ANGPT1: variants seen among roughly 807,000 people sequenced by gnomAD.
The protein encoded by ANGPT1 is angiopoietin 1.
ANGPT1 carries 17 observed loss-of-function variants against 62.2 expected under a neutral mutation model. The observed-to-expected ratio is 0.27, with a 90% confidence interval of 0.19 to 0.41. The LOEUF (loss-of-function observed/expected upper bound fraction) is 0.41, where lower values mean the gene tolerates loss of function less well. ANGPT1 is among the 10% of genes least tolerant of loss of function. The pLI is 1.00. For missense variants in ANGPT1, 478 were observed against 594.9 expected, an observed-to-expected ratio of 0.80 and a Z score of 2.04; for synonymous variants, 199 against 198.9, an observed-to-expected ratio of 1.00 and a Z score of 0.00.
chr8:107,420,154 G>C (rs1160904876), intron 1 of ANGPT1, among the ~76,000 whole-genome samples: 2 of 151,958 alleles, frequency 1.3e-5, no homozygotes, highest in African/African-American at 4.8e-5. Context: ...TAATTAATAA[G>C]CAATTACTTT....
chr8:107,398,500 ATTTTTT>A (rs10556477), intron 1 of ANGPT1, among the ~76,000 whole-genome samples: 30,413 of 132,822 alleles, frequency 0.23, 3,647 homozygotes, highest in African/African-American at 0.38. Context: ...TTTCTTTTCT[ATTTTTT>A]TTTTTTTTTT....
intron 6 of ANGPT1, among the ~76,000 whole-genome samples, chr8:107,290,438 G>A (rs1814246074): frequency 6.6e-6 from 1 of 152,168 alleles, no homozygotes; most frequent in East Asian, 1.9e-4. Flanking sequence ...AGCTGAAGAA[G>A]TGAGCAGGCA....
intron 1 of ANGPT1, among the ~76,000 whole-genome samples, chr8:107,387,069 T>C (rs928319844): frequency 7.2e-5 from 11 of 152,042 alleles, no homozygotes; most frequent in Non-Finnish European, 1.2e-4. Context: ...AGGTAAACTA[T>C]AAAAACCCAT....
At chr8:107,454,173 G>C (rs1319836666) in intron 1 of ANGPT1, among the ~76,000 whole-genome samples, 10 of 152,036 alleles carry the variant, frequency 6.6e-5, no homozygotes, top group African/African-American at 2.4e-4. Context: ...GTTCAGAAAA[G>C]AACTAAGCAT....
rs187279902 is a variant in ANGPT1 at position 107,413,979 on chromosome 8, T to A, written c.298-66882A>T. 1.2e-3 allele frequency among the ~76,000 whole-genome samples: 186 copies of A among 152,042 alleles called. 1 individual carries two copies. The highest frequency in any genetic ancestry group is 2.0e-3 in the Non-Finnish European group (138 of 67,960). Reference sequence around the variant, plus strand: ...AAGGAAACATAGGAAGAAAAGTGGGTTTGGTGGTGGTGAAATAAATTCAGG... The same window carrying A: ...AAGGAAACATAGGAAGAAAAGTGGGATTGGTGGTGGTGAAATAAATTCAGG... On this transcript the variant is annotated intron_variant, in intron 1 of 8. Transcript: ENST00000517746.
chr8:107,267,049 A>G (rs1341066667), intron 7 of ANGPT1, among the ~76,000 whole-genome samples: 1 of 151,898 alleles, frequency 6.6e-6, no homozygotes, highest in Non-Finnish European at 1.5e-5. Context: ...ATAAAATATT[A>G]TTTATTTTTA....
intron 1 of ANGPT1, among the ~76,000 whole-genome samples, chr8:107,369,589 A>T (rs951961924): frequency 2.0e-5 from 3 of 152,064 alleles, no homozygotes; most frequent in African/African-American, 4.8e-5. Context: ...AATTATTTCT[A>T]GATTTTGCTT....
At chr8:107,486,361 T>G (rs117818924) in intron 1 of ANGPT1, among the ~76,000 whole-genome samples, 2,744 of 152,192 alleles carry the variant, frequency 0.018, 35 homozygotes, top group Non-Finnish European at 0.027. Context: ...TTACTTCCAC[T>G]CTCTGTACCT....
At chr8:107,362,208 C>T (rs1036726698) in intron 1 of ANGPT1, among the ~76,000 whole-genome samples, 1 of 152,172 alleles carries the variant, frequency 6.6e-6, no homozygotes, top group Admixed American at 6.6e-5. Context: ...TGCTAACAGG[C>T]AACGTGCCAT....
At position 107,267,430 on chromosome 8, in the gene ANGPT1, C is replaced by T. The variant is rs555288218; in HGVS notation, c.1206-3079G>A. 1.3e-3 allele frequency among the ~76,000 whole-genome samples: 198 copies of T among 152,178 alleles called. 1 individual carries two copies. Among genetic ancestry groups the T allele is most frequent in the South Asian group, 0.013 (61 of 4,818 alleles). On this transcript the variant is annotated intron_variant, in intron 7 of 8. Transcript: ENST00000517746. ...TAGGATTACAATATAATCCACATTT[C>T]TTTCCTGACCTTTCCCCGTATGAAT...
At position 107,251,192 on chromosome 8, in the gene ANGPT1, C is replaced by T. The variant is rs1294078881; in HGVS notation, c.*663G>A. The T allele has an allele frequency of 6.6e-6, 1 of 151,928 alleles. No homozygotes were observed. Among genetic ancestry groups the T allele is most frequent in the Non-Finnish European group, 1.5e-5 (1 of 67,968 alleles). The allele number at this position is 151,928 out of a possible 1,614,324, so 9.4% of individuals were successfully genotyped here. A position where few individuals can be genotyped will look rare whatever the true frequency, so the allele number is the denominator to read the frequency against. On this transcript the variant is annotated 3_prime_UTR_variant, in exon 9 of 9. Coordinates refer to ENST00000517746, the MANE Select transcript of ANGPT1 (RefSeq NM_001146.5). The stretch of plus-strand genomic sequence containing the variant: ...TCAGAGTAATGGAGTTTGTTTCTAC[C>T]ACACACTTATTGTCCATGTACTACA...
intron 3 of ANGPT1, among the ~76,000 whole-genome samples, chr8:107,334,749 G>T (rs1283669763): frequency 6.6e-6 from 1 of 152,172 alleles, no homozygotes; most frequent in Non-Finnish European, 1.5e-5. Context: ...TTAAGGGGTG[G>T]TTGAAGCATA....
intron 4 of ANGPT1, among the ~76,000 whole-genome samples, chr8:107,314,381 G>A (rs1014563966): frequency 4.6e-5 from 7 of 152,086 alleles, no homozygotes; most frequent in African/African-American, 1.4e-4. Context: ...AATCTCCTCC[G>A]AAAGATGGGG....
At chr8:107,459,430 A>G (rs935331955) in intron 1 of ANGPT1, among the ~76,000 whole-genome samples, 12 of 152,002 alleles carry the variant, frequency 7.9e-5, no homozygotes, top group African/African-American at 2.4e-4. Context: ...CGGAGGTTGC[A>G]GTGAGCCAAG....
At chr8:107,325,340 C>T (rs984074761) in intron 3 of ANGPT1, among the ~76,000 whole-genome samples, 1 of 152,130 alleles carries the variant, frequency 6.6e-6, no homozygotes. Flanking sequence ...TGATCAGAGG[C>T]AAGATGCCCA....
intron 1 of ANGPT1, among the ~76,000 whole-genome samples, chr8:107,370,911 T>C (rs1402152798): frequency 6.6e-6 from 1 of 151,390 alleles, no homozygotes; most frequent in Admixed American, 6.6e-5. Flanking sequence ...CATATGGCAT[T>C]GAAAAAATGG....
chr8:107,482,102 G>C (rs1450573962), intron 1 of ANGPT1, among the ~76,000 whole-genome samples: 1 of 152,182 alleles, frequency 6.6e-6, no homozygotes. Flanking sequence ...AGTTGAACCT[G>C]ATGTAGCTTA....
intron 4 of ANGPT1, among the ~76,000 whole-genome samples, chr8:107,321,292 G>T (rs1815143446): frequency 1.3e-5 from 2 of 152,196 alleles, no homozygotes; most frequent in Non-Finnish European, 2.9e-5. Context: ...CTGTCACAAA[G>T]ATACCCCAGA....
intron 1 of ANGPT1, among the ~76,000 whole-genome samples, chr8:107,410,009 C>A (rs1250604270): frequency 6.6e-6 from 1 of 151,994 alleles, no homozygotes; most frequent in Non-Finnish European, 1.5e-5. Context: ...TTTATTGAGC[C>A]AGATGCTGTG....
Sources: allele counts gnomAD v4.1 joint callset (sites outside exome capture counted in the v4.1 genomes callset), GRCh38; gene constraint gnomAD v4.1.1; transcripts MANE v1.5; gene names NCBI Gene and HGNC (gene_info 2026-07-23, HGNC 2026-07-21).